The following ST6GAL2 variants were observed in gnomAD, a reference collection of about 807,000 sequenced individuals.
The protein encoded by ST6GAL2 is ST6 beta-galactoside alpha-2,6-sialyltransferase 2.
A neutral mutation model predicts 37.5 loss-of-function variants in ST6GAL2; 24 were observed. That is an observed-to-expected ratio of 0.64 (90% CI 0.46 to 0.90). ST6GAL2 has a LOEUF of 0.90. ST6GAL2 is among the 40% of genes least tolerant of loss of function. ST6GAL2 has a pLI of 0.00. For synonymous variants in ST6GAL2, 306 were observed against 295.1 expected (o/e 1.04, Z -0.38); for missense variants, 715 against 712.7 (o/e 1.00, Z -0.04).
intron 1 of ST6GAL2, among the ~76,000 whole-genome samples, chr2:106,854,308 C>T (rs1175135797): frequency 6.6e-6 from 1 of 152,166 alleles, no homozygotes; most frequent in African/African-American, 2.4e-5. Flanking sequence ...TCGGATAAGC[C>T]TCAGTTTCAT....
At position 106,801,865 on chromosome 2, in the gene ST6GAL2, T is replaced by C. The variant is rs1023533549; in HGVS notation, c.*4813A>G. 7.2e-5 allele frequency: 11 copies of C among 152,224 alleles called. No individual in the cohort carries two copies. Among genetic ancestry groups the C allele is most frequent in the African/African-American group, 2.7e-4 (11 of 41,464 alleles). The allele number at this position is 152,224 out of a possible 1,614,324, so 9.4% of individuals were successfully genotyped here. The stretch of plus-strand genomic sequence containing the variant: ...GGAAGAATTGTCTAAGTATTTCATC[T>C]AGAATAAAACAGGATTTGTTATAAA... On this transcript the variant is annotated 3_prime_UTR_variant, in exon 6 of 6. Transcript: ENST00000409382.
Position 106,803,322 on chromosome 2 carries a change from C to T in ST6GAL2, c.*3356G>A, listed in dbSNP as rs1171351068. The T allele has an allele frequency of 6.6e-6, 1 of 152,122 alleles. No homozygotes were observed. The highest frequency in any genetic ancestry group is 2.4e-5 in the African/African-American group (1 of 41,430). The allele number at this position is 152,122 out of a possible 1,614,324, so 9.4% of individuals were successfully genotyped here. A position where few individuals can be genotyped will look rare whatever the true frequency, so the allele number is the denominator to read the frequency against. Reference sequence around the variant, plus strand: ...TGCCTTCAGGCAGACAAGGAAAGACCTGGTCGTTCAAAGATGTATAAAAGC... The same window carrying T: ...TGCCTTCAGGCAGACAAGGAAAGACTTGGTCGTTCAAAGATGTATAAAAGC... On this transcript the variant is annotated 3_prime_UTR_variant, in exon 6 of 6. Coordinates refer to ENST00000409382, the MANE Select transcript of ST6GAL2 (RefSeq NM_001142351.2).
intron 5 of ST6GAL2, chr2:106,813,223 G>A (rs1675678472): frequency 7.4e-7 from 1 of 1,351,356 alleles, no homozygotes; most frequent in African/African-American, 1.5e-5. Context: ...TTACAAATGA[G>A]CCTATATGAG....
rs148879637 is a variant in ST6GAL2 at position 106,874,522 on chromosome 2, ATCGAGCT to A, written c.-58+11564_-58+11570del. Among the ~76,000 whole-genome samples the A allele has an allele frequency of 5.4e-3, 828 of 152,272 alleles. 2 individuals carry two copies. Among genetic ancestry groups the A allele is most frequent in the Non-Finnish European group, 8.2e-3 (557 of 68,018 alleles). On this transcript the variant is annotated intron_variant, in intron 1 of 5. Coordinates refer to ENST00000409382, the MANE Select transcript of ST6GAL2 (RefSeq NM_001142351.2). ...TCTAAGGAGAAGAGAATGCAGCACAATCGAGCTTAAGGTTTGGAAGGAGGACTCTTGG... is the reference window on the plus strand; with the variant it reads ...TCTAAGGAGAAGAGAATGCAGCACAATAAGGTTTGGAAGGAGGACTCTTGG...
chr2:106,841,384 C>T (rs1292251382), intron 2 of ST6GAL2, among the ~76,000 whole-genome samples: 3 of 152,220 alleles, frequency 2.0e-5, no homozygotes, highest in African/African-American at 7.2e-5. Context: ...CAGTTATGCC[C>T]TAACAACGCC....
At chr2:106,863,779 G>A (rs980681100) in intron 1 of ST6GAL2, among the ~76,000 whole-genome samples, 1 of 152,108 alleles carries the variant, frequency 6.6e-6, no homozygotes, top group Non-Finnish European at 1.5e-5. Flanking sequence ...ATAGAGACTG[G>A]GTATAAAAGG....
At chr2:106,825,761 G>A (rs1166282544) in intron 5 of ST6GAL2, among the ~76,000 whole-genome samples, 2 of 152,070 alleles carry the variant, frequency 1.3e-5, no homozygotes, top group Non-Finnish European at 2.9e-5. Context: ...TTTTATTTAT[G>A]TCTGTCCTGC....
intron 5 of ST6GAL2, among the ~76,000 whole-genome samples, chr2:106,824,088 G>T (rs915729406): frequency 6.6e-6 from 1 of 152,138 alleles, no homozygotes; most frequent in Non-Finnish European, 1.5e-5. Context: ...ATGACAGTTG[G>T]AACTTTGCTT....
chr2:106,871,686 C>T lies in ST6GAL2; in HGVS notation c.-58+14407G>A, dbSNP rs115422079. ...AAATTAGCCTAGGCCTACACAGGGT[C>T]ATGGTCATCAACATCACTGTCTTCC... On this transcript the variant is annotated intron_variant, in intron 1 of 5. Transcript: ENST00000409382. Among the ~76,000 whole-genome samples, 1,069 of 152,292 alleles carry T rather than the reference C, an allele frequency of 7.0e-3. 14 individuals are homozygous for T. The highest frequency in any genetic ancestry group is 0.024 in the African/African-American group (1,004 of 41,558).
intron 4 of ST6GAL2, among the ~76,000 whole-genome samples, chr2:106,831,983 A>T (rs1410155974): frequency 3.9e-5 from 6 of 152,260 alleles, no homozygotes; most frequent in African/African-American, 1.4e-4. Flanking sequence ...TTGTTTAGAC[A>T]GGCAATGATT....
rs1255863312 is a variant in ST6GAL2, at chr2:106,802,903, A to G, written c.*3775T>C. The G allele has an allele frequency of 2.0e-5, 3 of 152,182 alleles. No homozygotes were observed. Among genetic ancestry groups the G allele is most frequent in the Non-Finnish European group, 2.9e-5 (2 of 68,040 alleles). The allele number at this position is 152,182 out of a possible 1,614,324, so 9.4% of individuals were successfully genotyped here. On this transcript the variant is annotated 3_prime_UTR_variant, in exon 6 of 6. Transcript: ENST00000409382. Reference sequence around the variant, plus strand: ...GACCACATGTACTGTGTGTTGATCTATAAGAAAAACTGGAGAGAGAACTTG... The same window carrying G: ...GACCACATGTACTGTGTGTTGATCTGTAAGAAAAACTGGAGAGAGAACTTG...
intron 5 of ST6GAL2, among the ~76,000 whole-genome samples, chr2:106,826,968 G>A (rs149153621): frequency 1.1e-4 from 16 of 152,296 alleles, no homozygotes; most frequent in African/African-American, 3.1e-4. Context: ...GATCTTTTGC[G>A]ATGGTGACCG....
intron 1 of ST6GAL2, among the ~76,000 whole-genome samples, chr2:106,860,600 C>T (rs1677760263): frequency 6.6e-6 from 1 of 152,146 alleles, no homozygotes; most frequent in East Asian, 1.9e-4. Context: ...GGCTGTATCA[C>T]AGGTCCTCTT....
chr2:106,874,577 T>C (rs1422301242), intron 1 of ST6GAL2, among the ~76,000 whole-genome samples: 1 of 152,180 alleles, frequency 6.6e-6, no homozygotes, highest in Non-Finnish European at 1.5e-5. Context: ...GGGATGGGTA[T>C]GCAGGAGGGG....
chr2:106,867,966 A>G (rs1678105703), intron 1 of ST6GAL2, among the ~76,000 whole-genome samples: 1 of 152,188 alleles, frequency 6.6e-6, no homozygotes, highest in African/African-American at 2.4e-5. Context: ...AGAATAAGGT[A>G]TTATTATATA....
intron 2 of ST6GAL2, chr2:106,834,375 G>A (rs138328688): frequency 4.4e-4 from 201 of 460,708 alleles, no homozygotes; most frequent in African/African-American, 3.5e-3. Flanking sequence ...TTCAATTATG[G>A]GCGAGACTGT....
At chr2:106,826,539 CA>C (rs67548358) in intron 5 of ST6GAL2, among the ~76,000 whole-genome samples, 2,112 of 103,418 alleles carry the variant, frequency 0.02, 18 homozygotes, top group Non-Finnish European at 0.028. Context: ...GACTCCGTCT[CA>C]AAAAAAAAAA....
intron 3 of ST6GAL2, 27 bp downstream of exon 3, chr2:106,834,022 T>A (rs202028120): frequency 7.8e-6 from 12 of 1,532,924 alleles, no homozygotes; most frequent in Non-Finnish European, 1.1e-5. Flanking sequence ...GAAACATACA[T>A]CCATGAAAAC....
intron 1 of ST6GAL2, 58 bp downstream of exon 1, chr2:106,886,035 G>A (rs1324771129): frequency 6.6e-6 from 1 of 152,248 alleles, no homozygotes; most frequent in Non-Finnish European, 1.5e-5. Flanking sequence ...CAGCAGCGCG[G>A]AGGCTGCAGC....
Sources: gnomAD v4.1 joint callset for allele counts (sites outside exome capture counted in the v4.1 genomes callset) on GRCh38, gnomAD v4.1.1 for gene constraint, MANE v1.5 for transcripts, NCBI Gene and HGNC (gene_info 2026-07-23, HGNC 2026-07-21) for gene names.